HYDIN: variants seen among roughly 807,000 people sequenced by gnomAD.
HYDIN encodes axonemal central pair apparatus protein HYDIN.
A neutral mutation model predicts 403.9 loss-of-function variants in HYDIN; 132 were observed. The observed-to-expected ratio is 0.33, with a 90% confidence interval of 0.28 to 0.38. The LOEUF (loss-of-function observed/expected upper bound fraction) is 0.38, where lower values mean the gene tolerates loss of function less well. Among genes scored for constraint, HYDIN ranks in the 10% least tolerant of loss-of-function variants. HYDIN has a pLI of 1.00. For synonymous variants in HYDIN, 1,202 were observed against 1,891.7 expected, an observed-to-expected ratio of 0.64 and a Z score of 9.46; for missense variants, 2,827 against 5,009.5, an observed-to-expected ratio of 0.56 and a Z score of 13.15.
At chr16:71,166,023 A>G (rs1165130671) in intron 5 of HYDIN, among the ~76,000 whole-genome samples, 1 of 149,130 alleles carries the variant, frequency 6.7e-6, no homozygotes, top group Non-Finnish European at 1.5e-5. Context: ...GTTTTAGAAA[A>G]AGCGCTGGCT....
intron 6 of HYDIN, among the ~76,000 whole-genome samples, chr16:71,157,563 T>G (rs2085824665): frequency 6.6e-6 from 1 of 152,028 alleles, no homozygotes; most frequent in Non-Finnish European, 1.5e-5. Context: ...CGTTCTCAGT[T>G]GCAAACAACA....
chr16:70,937,987 T>C (rs1028826176), intron 44 of HYDIN, among the ~76,000 whole-genome samples: 5 of 151,802 alleles, frequency 3.3e-5, no homozygotes, highest in Non-Finnish European at 7.4e-5. Context: ...GGGGATCGAG[T>C]AGTTTCTGTG....
Position 70,807,530 on chromosome 16 carries a change from G to A in HYDIN, c.*50C>T. Reference sequence around the variant, plus strand: ...TTATTGTTTTCTCTATTCTTTTTCAGGCTAAGACAATGCATAGCTTTTGGT... The same window carrying A: ...TTATTGTTTTCTCTATTCTTTTTCAAGCTAAGACAATGCATAGCTTTTGGT... On this transcript the variant is annotated 3_prime_UTR_variant, in exon 86 of 86. Transcript: ENST00000393567. 2 of 1,533,366 alleles carry A rather than the reference G, an allele frequency of 1.3e-6. No individual in the cohort carries two copies. The highest frequency in any genetic ancestry group is 1.8e-6 in the Non-Finnish European group (2 of 1,139,654). 95.0% of individuals were successfully genotyped at this position (1,533,366 alleles called of 1,614,324 possible). A position where few individuals can be genotyped will look rare whatever the true frequency, so the allele number is the denominator to read the frequency against.
intron 50 of HYDIN, among the ~76,000 whole-genome samples, chr16:70,907,075 C>T (rs1344716948): frequency 6.6e-6 from 1 of 151,970 alleles, no homozygotes; most frequent in Non-Finnish European, 1.5e-5. Flanking sequence ...CATGTAACTA[C>T]AGAAATATCT....
intron 4 of HYDIN, among the ~76,000 whole-genome samples, chr16:71,178,472 CACAT>C (rs1022830853): frequency 2.7e-5 from 4 of 145,912 alleles, no homozygotes; most frequent in African/African-American, 1.0e-4. Context: ...TATACACACA[CACAT>C]ACATATATAT....
chr16:71,098,115 T>C (rs900500355), intron 10 of HYDIN, among the ~76,000 whole-genome samples: 1 of 152,098 alleles, frequency 6.6e-6, no homozygotes, highest in Non-Finnish European at 1.5e-5. Context: ...AGGGTTCCCC[T>C]GCTCCATCCG....
At position 70,891,183 on chromosome 16, in the gene HYDIN, A is replaced by T. The variant is rs2355672; in HGVS notation, c.9656+463T>A. 9.5e-3 allele frequency among the ~76,000 whole-genome samples: 1,440 copies of T among 152,190 alleles called. 14 individuals are homozygous for T. The highest frequency in any genetic ancestry group is 0.078 in the Middle Eastern group (23 of 294). ...ATTTCGTGTATAGTATTTAAAAAAAAATTTTTTTATTTTTTATTTTTTTGA... is the reference window on the plus strand; with the variant it reads ...ATTTCGTGTATAGTATTTAAAAAAATATTTTTTTATTTTTTATTTTTTTGA... On this transcript the variant is annotated intron_variant, in intron 57 of 85. Transcript: ENST00000393567.
chr16:71,164,855 C>G (rs2086150427), intron 5 of HYDIN, among the ~76,000 whole-genome samples: 1 of 150,030 alleles, frequency 6.7e-6, no homozygotes, highest in Non-Finnish European at 1.5e-5. Flanking sequence ...CAGCTAAGGT[C>G]TGACCCTCTC....
intron 1 of HYDIN, among the ~76,000 whole-genome samples, chr16:71,209,388 C>A (rs2088468439): frequency 6.6e-6 from 1 of 151,844 alleles, no homozygotes; most frequent in Admixed American, 6.6e-5. Context: ...ATTGAAGGAA[C>A]ATACCTCAAA....
At chr16:71,207,302 CA>C (rs1355509370) in intron 1 of HYDIN, among the ~76,000 whole-genome samples, 1 of 152,066 alleles carries the variant, frequency 6.6e-6, no homozygotes, top group Non-Finnish European at 1.5e-5. Flanking sequence ...AAATTCAAAC[CA>C]AAAATTTCAT....
intron 80 of HYDIN, among the ~76,000 whole-genome samples, chr16:70,831,529 C>CA (rs57465488): frequency 0.012 from 1,129 of 91,396 alleles, 10 homozygotes; most frequent in African/African-American, 0.028. Flanking sequence ...AAAAAAAAAC[C>CA]AAAAAAAAAA....
At chr16:70,833,780 G>A (rs1386581524) in intron 79 of HYDIN, 107 bp downstream of exon 79, 19 of 712,022 alleles carry the variant, frequency 2.7e-5, no homozygotes, top group Non-Finnish European at 4.3e-5. Context: ...ATGTAGAAGG[G>A]AGAGGACAGA....
At chr16:70,818,663 T>G (rs1343777853) in intron 83 of HYDIN, 91 bp from the exon 84 acceptor site, 2 of 617,312 alleles carry the variant, frequency 3.2e-6, no homozygotes, top group Non-Finnish European at 5.8e-6. Flanking sequence ...TTCTCTTTTT[T>G]AGCATTGTTT....
intron 8 of HYDIN, among the ~76,000 whole-genome samples, chr16:71,133,673 C>G (rs1352339529): frequency 6.6e-6 from 1 of 152,006 alleles, no homozygotes; most frequent in African/African-American, 2.4e-5. Context: ...AAATGGGGAG[C>G]AAAAATCCTT....
intron 78 of HYDIN, among the ~76,000 whole-genome samples, chr16:70,835,179 G>A (rs2143523175): frequency 6.6e-6 from 1 of 151,854 alleles, no homozygotes; most frequent in Admixed American, 6.6e-5. Flanking sequence ...TGTATTTTTA[G>A]TAGAGACGGG....
intron 7 of HYDIN, among the ~76,000 whole-genome samples, chr16:71,148,455 C>T (rs961638632): frequency 4.6e-5 from 7 of 152,264 alleles, no homozygotes; most frequent in African/African-American, 1.7e-4. Context: ...TGCAGATGAC[C>T]TGTTTGTGTA....
At chr16:70,927,741 C>A (rs1430350938) in intron 45 of HYDIN, among the ~76,000 whole-genome samples, 3 of 152,212 alleles carry the variant, frequency 2.0e-5, no homozygotes, top group Non-Finnish European at 4.4e-5. Flanking sequence ...AAGGCTAACA[C>A]AGAAGGAGCA....
chr16:70,996,325 C>T (rs1254209307), intron 23 of HYDIN, among the ~76,000 whole-genome samples: 4 of 152,182 alleles, frequency 2.6e-5, no homozygotes, highest in African/African-American at 7.2e-5. Flanking sequence ...AGATGAGAAA[C>T]CCAACCCTTG....
intron 18 of HYDIN, among the ~76,000 whole-genome samples, chr16:71,056,046 A>G (rs1357486727): frequency 3.3e-5 from 5 of 151,748 alleles, no homozygotes; most frequent in South Asian, 2.1e-4. Context: ...TCTTCCTGAT[A>G]GAGCTCCCTG....
Sources: gnomAD v4.1 joint callset for allele counts (sites outside exome capture counted in the v4.1 genomes callset) on GRCh38, gnomAD v4.1.1 for gene constraint, MANE v1.5 for transcripts, NCBI Gene and HGNC (gene_info 2026-07-23, HGNC 2026-07-21) for gene names.